Variants in IL17RA observed in about 807,000 individuals in gnomAD.
IL17RA encodes the protein interleukin 17 receptor A.
A neutral mutation model predicts 50.4 loss-of-function variants in IL17RA; 34 were observed. The observed-to-expected ratio is 0.67, with a 90% CI of 0.51 to 0.90. The LOEUF is 0.90. IL17RA is among the 40% of genes least tolerant of loss of function. The pLI is 0.00. For synonymous variants in IL17RA, 585 were observed against 510.4 expected, an observed-to-expected ratio of 1.15 and a Z score of -1.97; for missense variants, 1,276 against 1,169.8, an observed-to-expected ratio of 1.09 and a Z score of -1.32.
chr22:17,096,825 G>A (rs562719301), intron 1 of IL17RA, among the ~76,000 whole-genome samples: 6 of 149,062 alleles, frequency 4.0e-5, no homozygotes, highest in South Asian at 4.2e-4. Flanking sequence ...AGCTGAGATC[G>A]CGCCACTGCA....
Position 17,098,879 on chromosome 22 carries a change from C to T in IL17RA, c.415C>T (p.His139Tyr). Residue 139 changes from histidine to tyrosine, a missense_variant, in exon 4 of 13, where the codon CAC becomes TAC. By Grantham distance (83) the His-to-Tyr change is moderately conservative (BLOSUM62 2). Transcript: ENST00000319363. ...GTTTCTGTCCAAACTGAGGCATCAC[C>T]ACAGGCGGGTAAGAACACAGCTCCT... Reference protein sequence around the residue: ...FEFLSKLRHHHRRWRFTFSHF... With the variant: ...FEFLSKLRHHYRRWRFTFSHF... 6.2e-7 allele frequency: 1 copy of T among 1,613,660 alleles called. No individual in the cohort carries two copies. The highest frequency in any genetic ancestry group is 8.5e-7 in the Non-Finnish European group (1 of 1,179,548).
At chr22:17,091,833 G>T (rs986734153) in intron 1 of IL17RA, among the ~76,000 whole-genome samples, 3 of 152,042 alleles carry the variant, frequency 2.0e-5, no homozygotes, top group African/African-American at 7.3e-5. Context: ...TTGTTTTTGT[G>T]CAGGCCATTT....
At chr22:17,094,654 A>ACTCT (rs774982179) in intron 1 of IL17RA, among the ~76,000 whole-genome samples, 37 of 21,608 alleles carry the variant, frequency 1.7e-3, no homozygotes, top group Middle Eastern at 0.045. Context: ...AGTCATACAC[A>ACTCT]CACTCTCTCT....
chr22:17,104,745 G>T lies in IL17RA; in HGVS notation c.866G>T (p.Ser289Ile), dbSNP rs765192966. The change falls in exon 9 of 13, where the codon AGC becomes ATC. Residue 289 changes from serine (S) to isoleucine (I), a missense_variant. Coordinates refer to ENST00000319363, the MANE Select transcript of IL17RA (RefSeq NM_014339.7). The part of the protein sequence containing the change: ...HQVQIQPFFS[S>I]CLNDCLRHSA... ...CCGCAGATCCAGCCCTTCTTCAGCA[G>T]CTGCCTCAATGACTGCCTCAGACAC... The T allele has an allele frequency of 2.6e-5, 42 of 1,614,084 alleles. No homozygotes were observed. Among genetic ancestry groups the T allele is most frequent in the Non-Finnish European group, 3.5e-5 (41 of 1,179,948 alleles).
chr22:17,106,078 C>T, intron 11 of IL17RA, 124 bp downstream of exon 11: 1 of 764,740 alleles, frequency 1.3e-6, no homozygotes, highest in South Asian at 1.5e-5. Flanking sequence ...CGTCATAAAG[C>T]TGTTGTAAGG....
At chr22:17,107,096 T>A (rs2061417880) in intron 11 of IL17RA, among the ~76,000 whole-genome samples, 1 of 152,208 alleles carries the variant, frequency 6.6e-6, no homozygotes, top group Non-Finnish European at 1.5e-5. Flanking sequence ...AGCAGTTTTT[T>A]CATCACATCT....
rs1601344417 is a variant in IL17RA, at chr22:17,102,289, A to G, written c.749A>G (p.His250Arg). The G allele has an allele frequency of 1.9e-6, 3 of 1,614,146 alleles. No homozygotes were observed. Among genetic ancestry groups the G allele is most frequent in the East Asian group, 4.5e-5 (2 of 44,874 alleles). The change falls in exon 7 of 13, where the codon CAC becomes CGC. Residue 250 changes from histidine (H) to arginine (R), a missense_variant. His to Arg is a conservative substitution (Grantham distance 29). Coordinates refer to ENST00000319363, the MANE Select transcript of IL17RA (RefSeq NM_014339.7). ...AACCACAGTTGCTTTGAGCACATGC[A>G]CCACATACCTGCGGTAACTCTGCTC... ...MENHSCFEHM[H>R]HIPAPRPEEF...
In IL17RA at chr22:17,085,322, G is replaced by A. The variant is rs1167607361; in HGVS notation, c.138+93G>A. 1.3e-5 allele frequency: 20 copies of A among 1,506,946 alleles called. No individual in the cohort carries two copies. The African/African-American group carries it at 2.0e-4, about 15-fold the overall frequency. 93.3% of individuals were successfully genotyped at this position (1,506,946 alleles called of 1,614,324 possible). On this transcript the variant is annotated intron_variant, in intron 1 of 12. Coordinates refer to ENST00000319363, the MANE Select transcript of IL17RA (RefSeq NM_014339.7). ...CGGACGGTCGGGACTACGCGCCCGGGCTGGGGAGGCAGGAAGTCCGCGCCG... is the reference window on the plus strand; with the variant it reads ...CGGACGGTCGGGACTACGCGCCCGGACTGGGGAGGCAGGAAGTCCGCGCCG...
chr22:17,109,173 C>A lies in IL17RA; in HGVS notation c.1954C>A (p.Pro652Thr), dbSNP rs1169306314. The A allele has an allele frequency of 3.9e-6, 6 of 1,528,466 alleles. No individual in the cohort carries two copies. Among genetic ancestry groups the A allele is most frequent in the African/African-American group, 2.7e-5 (2 of 72,978 alleles). The allele number at this position is 1,528,466 out of a possible 1,614,324, so 94.7% of individuals were successfully genotyped here. A position where few individuals can be genotyped will look rare whatever the true frequency, so the allele number is the denominator to read the frequency against. ...EGGAAVAKLE[P>T]HLQPRGQPAP... ...AGGAGCAGCAGTGGCAAAGCTGGAA[C>A]CTCACCTGCAGCCCCGGGGTCAGCC... The change falls in exon 13 of 13, where the codon CCT (proline) becomes ACT (threonine). Residue 652 changes from proline to threonine, a missense_variant. By Grantham distance (38) the Pro-to-Thr change is conservative. Transcript: ENST00000319363.
At chr22:17,095,351 A>G (rs1175177070) in intron 1 of IL17RA, among the ~76,000 whole-genome samples, 1 of 152,236 alleles carries the variant, frequency 6.6e-6, no homozygotes, top group African/African-American at 2.4e-5. Context: ...CATAGGGCAT[A>G]CCAAACTATT....
chr22:17,109,209 C>T lies in IL17RA; in HGVS notation c.1990C>T (p.Pro664Ser), dbSNP rs915964901. The T allele has an allele frequency of 5.3e-6, 8 of 1,502,488 alleles. No individual in the cohort carries two copies. The African/African-American group carries it at 6.9e-5, about 13-fold the overall frequency. 93.1% of individuals were successfully genotyped at this position (1,502,488 alleles called of 1,614,324 possible). The change falls in exon 13 of 13, where the codon CCC (proline) becomes TCC (serine). Residue 664 changes from proline to serine, a missense_variant. By Grantham distance (74) the Pro-to-Ser change is moderately conservative. Coordinates refer to ENST00000319363, the MANE Select transcript of IL17RA (RefSeq NM_014339.7). ...GCCCCGGGGTCAGCCAGCGCCGCAG[C>T]CCCTCCACACCCTGGTGCTCGCCGC... ...LQPRGQPAPQ[P>S]LHTLVLAAEE...
chr22:17,094,766 A>G (rs1287304599), intron 1 of IL17RA, among the ~76,000 whole-genome samples: 3 of 139,896 alleles, frequency 2.1e-5, no homozygotes, highest in Non-Finnish European at 4.6e-5. Flanking sequence ...TTGGGATCAT[A>G]CTATAAAAAG....
rs1275394713 is a variant in IL17RA at position 17,112,430 on chromosome 22, C to G, written c.*2610C>G. 2.6e-5 allele frequency: 4 copies of G among 152,226 alleles called. No individual in the cohort carries two copies. The highest frequency in any genetic ancestry group is 6.5e-5 in the Admixed American group (1 of 15,274). 9.4% of individuals were successfully genotyped at this position (152,226 alleles called of 1,614,324 possible). ...CTACCCCCAAAAGAAATCCAGCCCC[C>G]CTTAGTCACCACCCCAACCTCCCCA... On this transcript the variant is annotated 3_prime_UTR_variant, in exon 13 of 13. Coordinates refer to ENST00000319363, the MANE Select transcript of IL17RA (RefSeq NM_014339.7).
At chr22:17,093,955 T>TTTTATTTTATCTTAC (rs2061356500) in intron 1 of IL17RA, 1 of 134,546 alleles carries the variant, frequency 7.4e-6, no homozygotes, top group South Asian at 2.3e-4. Context: ...AGAATAGCCC[T>TTTTATTTTATCTTAC]TTTATTTTAT....
chr22:17,094,238 A>C (rs1482439643), intron 1 of IL17RA, among the ~76,000 whole-genome samples: 1 of 151,940 alleles, frequency 6.6e-6, no homozygotes, highest in African/African-American at 2.4e-5. Context: ...CACCTACCTC[A>C]GCCTCCCAAA....
chr22:17,094,691 C>CTCTCTATATATATATA (rs1448096911), intron 1 of IL17RA, among the ~76,000 whole-genome samples: 11 of 24,688 alleles, frequency 4.5e-4, no homozygotes, highest in Non-Finnish European at 6.0e-4. Flanking sequence ...CTCTCTCTCT[C>CTCTCTATATATATATA]TATATATATA....
chr22:17,098,075 G>A lies in IL17RA; in HGVS notation c.310+132G>A, dbSNP rs113712321. ...TTCAAATTTAGTGCTATAAGGATCCGTCATTTCATGCAGTCAAATACTTGT... is the reference window on the plus strand; with the variant it reads ...TTCAAATTTAGTGCTATAAGGATCCATCATTTCATGCAGTCAAATACTTGT... On this transcript the variant is annotated intron_variant, in intron 3 of 12. Coordinates refer to ENST00000319363, the MANE Select transcript of IL17RA (RefSeq NM_014339.7). The A allele has an allele frequency of 7.8e-5, 78 of 1,003,356 alleles. 1 individual carries two copies. Among genetic ancestry groups the A allele is most frequent in the African/African-American group, 4.6e-4 (29 of 63,040 alleles). The allele number at this position is 1,003,356 out of a possible 1,614,324, so 62.2% of individuals were successfully genotyped here.
At position 17,105,733 on chromosome 22, in the gene IL17RA, C is replaced by T. The variant is rs1166890834; in HGVS notation, c.944-120C>T. ...GCCAGCCCGGGGTGGGGGGTGAGAC[C>T]ATGGTTTGTCGTGGTGGGGCCAGAG... On this transcript the variant is annotated intron_variant, in intron 10 of 12. Transcript: ENST00000319363. The T allele has an allele frequency of 2.9e-6, 4 of 1,391,966 alleles. No individual in the cohort carries two copies. The Admixed American group carries it at 5.0e-5, about 18-fold the overall frequency. 86.2% of individuals were successfully genotyped at this position (1,391,966 alleles called of 1,614,324 possible).
rs1161872131 is a variant in IL17RA, at chr22:17,109,144, AAGG to A, written c.1931_1933del (p.Gly644del). On this transcript the variant is annotated inframe_deletion, in exon 13 of 13. Transcript: ENST00000319363. The stretch of plus-strand genomic sequence containing the variant: ...GCCATAGACCCGCTGGTCGGGGAGG[AAGG>A]AGGAGCAGCAGTGGCAAAGCTGGAA... 4.6e-6 allele frequency: 7 copies of A among 1,536,488 alleles called. No homozygotes were observed. In the East Asian group the frequency reaches 1.2e-4, roughly 27 times the overall value.
Sources: allele counts gnomAD v4.1 joint callset (sites outside exome capture counted in the v4.1 genomes callset), GRCh38; gene constraint gnomAD v4.1.1; transcripts MANE v1.5; gene names NCBI Gene and HGNC (gene_info 2026-07-23, HGNC 2026-07-21).